The following UBTD1 variants were observed in gnomAD, a reference collection of about 807,000 sequenced individuals.
UBTD1 encodes ubiquitin domain-containing protein 1.
UBTD1 carries 19 observed loss-of-function variants against 21.7 expected under a neutral mutation model. The ratio of observed to expected loss-of-function variants is 0.87; its 90% CI spans 0.61 to 1.28. UBTD1 has a LOEUF of 1.28. UBTD1 is among the 50% of genes most tolerant of loss of function. The pLI, the probability that UBTD1 is intolerant of heterozygous loss-of-function variation, is 0.00. For synonymous variants in UBTD1, 116 were observed against 135.1 expected, an observed-to-expected ratio of 0.86 and a Z score of 0.98; for missense variants, 282 against 315.1, an observed-to-expected ratio of 0.89 and a Z score of 0.80.
At chr10:97,563,918 G>A (rs552545889) in intron 1 of UBTD1, among the ~76,000 whole-genome samples, 1 of 152,286 alleles carries the variant, frequency 6.6e-6, no homozygotes, top group South Asian at 2.1e-4. Context: ...ATGCAGGTGA[G>A]TTTAAGGGAA....
At chr10:97,536,537 A>T (rs2040562780) in intron 1 of UBTD1, among the ~76,000 whole-genome samples, 1 of 152,178 alleles carries the variant, frequency 6.6e-6, no homozygotes, top group Non-Finnish European at 1.5e-5. Context: ...ATTTATGTAG[A>T]CCTGACTTTG....
intron 1 of UBTD1, among the ~76,000 whole-genome samples, chr10:97,563,940 A>G (rs1292532702): frequency 6.6e-6 from 1 of 152,112 alleles, no homozygotes; most frequent in African/African-American, 2.4e-5. Flanking sequence ...TAGGGTGAGT[A>G]CTTGTGACTT....
In UBTD1 at chr10:97,519,079, C is replaced by T. The variant is rs11189252; in HGVS notation, c.70+19806C>T. On this transcript the variant is annotated intron_variant, in intron 1 of 2. Transcript: ENST00000370664. ...CTCTCCTAATCACTAGAGGAGGAGACGGCCATGGGCCAGGCATCTCCGGAG... is the reference window on the plus strand; with the variant it reads ...CTCTCCTAATCACTAGAGGAGGAGATGGCCATGGGCCAGGCATCTCCGGAG... Among the ~76,000 whole-genome samples, 262 of 152,318 alleles carry T rather than the reference C, an allele frequency of 1.7e-3. 6 individuals are homozygous for T. The East Asian group carries it at 0.043, about 25-fold the overall frequency.
chr10:97,525,122 T>A lies in UBTD1; in HGVS notation c.70+25849T>A, dbSNP rs191073325. Among the ~76,000 whole-genome samples the A allele has an allele frequency of 2.9e-4, 44 of 152,338 alleles. No homozygotes were observed. In the South Asian group the frequency reaches 7.4e-3, roughly 26 times the overall value. ...CACACTCTTTGGCAACTTGCACATGTGCCCCCTTCCTTGGGAAACATCTGT... is the reference window on the plus strand; with the variant it reads ...CACACTCTTTGGCAACTTGCACATGAGCCCCCTTCCTTGGGAAACATCTGT... On this transcript the variant is annotated intron_variant, in intron 1 of 2. Transcript: ENST00000370664.
At chr10:97,563,984 C>T (rs988986877) in intron 1 of UBTD1, among the ~76,000 whole-genome samples, 4 of 152,032 alleles carry the variant, frequency 2.6e-5, no homozygotes, top group Non-Finnish European at 4.4e-5. Context: ...GCTGGCTGTC[C>T]GACGGACACA....
At chr10:97,561,790 G>T (rs1361808024) in intron 1 of UBTD1, among the ~76,000 whole-genome samples, 2 of 152,136 alleles carry the variant, frequency 1.3e-5, no homozygotes, top group South Asian at 2.1e-4. Context: ...AATATGAGAG[G>T]GTCTCTCTCT....
intron 1 of UBTD1, among the ~76,000 whole-genome samples, chr10:97,526,888 T>A (rs1429758355): frequency 2.0e-5 from 3 of 149,572 alleles, no homozygotes; most frequent in African/African-American, 4.9e-5. Flanking sequence ...ATGCCTCTCT[T>A]AGGCCGAGCG....
intron 1 of UBTD1, among the ~76,000 whole-genome samples, chr10:97,549,210 T>C (rs1226731452): frequency 2.0e-5 from 3 of 152,264 alleles, no homozygotes; most frequent in Non-Finnish European, 4.4e-5. Flanking sequence ...GTTTCCTCAC[T>C]GTACACCTAC....
rs973750990 is a variant in UBTD1 at position 97,558,847 on chromosome 10, G to A, written c.71-9067G>A. On this transcript the variant is annotated intron_variant, in intron 1 of 2. Transcript: ENST00000370664. ...GATGTGAGAGTTGAAAGACCTATAA[G>A]GGGCTTCTCTCGTTTTACGATGTCT... 5.9e-5 allele frequency among the ~76,000 whole-genome samples: 9 copies of A among 152,270 alleles called. 1 individual carries two copies. The East Asian group carries it at 1.7e-3, about 29-fold the overall frequency.
Position 97,558,682 on chromosome 10 carries a change from G to A in UBTD1, c.71-9232G>A, listed in dbSNP as rs554951280. Among the ~76,000 whole-genome samples the A allele has an allele frequency of 5.9e-5, 9 of 151,978 alleles. No homozygotes were observed. In the South Asian group the frequency reaches 1.9e-3, roughly 32 times the overall value. The stretch of plus-strand genomic sequence containing the variant: ...ACTCATGAAAAGCTCTTGCTGTTGG[G>A]TGTAATAGATGTAGTTTATCTAATT... On this transcript the variant is annotated intron_variant, in intron 1 of 2. Transcript: ENST00000370664.
chr10:97,546,605 AAG>A (rs1491407623), intron 1 of UBTD1, among the ~76,000 whole-genome samples: 1 of 149,788 alleles, frequency 6.7e-6, no homozygotes, highest in African/African-American at 2.5e-5. Context: ...AAAAAAAAAA[AAG>A]CTGACAGAAG....
At chr10:97,551,354 A>T (rs905488217) in intron 1 of UBTD1, among the ~76,000 whole-genome samples, 1 of 151,064 alleles carries the variant, frequency 6.6e-6, no homozygotes, top group African/African-American at 2.4e-5. Flanking sequence ...TGGGCAACAT[A>T]GGGAGACCTC....
Position 97,508,367 on chromosome 10 carries a change from G to T in UBTD1, c.70+9094G>T, listed in dbSNP as rs541361500. Among the ~76,000 whole-genome samples the T allele has an allele frequency of 2.0e-5, 3 of 152,320 alleles. No individual in the cohort carries two copies. In the East Asian group the frequency reaches 5.8e-4, roughly 29 times the overall value. ...ATTGAGCACCTTCAGGCACCACTTTGCTGGATCCCTTCACAAACATCATCT... is the reference window on the plus strand; with the variant it reads ...ATTGAGCACCTTCAGGCACCACTTTTCTGGATCCCTTCACAAACATCATCT... On this transcript the variant is annotated intron_variant, in intron 1 of 2. Transcript: ENST00000370664.
intron 1 of UBTD1, among the ~76,000 whole-genome samples, chr10:97,503,697 A>T (rs186091722): frequency 2.6e-5 from 4 of 152,314 alleles, no homozygotes; most frequent in Admixed American, 1.3e-4. Context: ...TTTGCTCAGT[A>T]AGTATGTACT....
Position 97,549,790 on chromosome 10 carries a change from C to T in UBTD1, c.71-18124C>T, listed in dbSNP as rs1343875107. The stretch of plus-strand genomic sequence containing the variant: ...ACCAAATCCCAGAGCATGGGAGGCC[C>T]CAGCTGACCAGAGCTGGGCCAGCAC... On this transcript the variant is annotated intron_variant, in intron 1 of 2. Coordinates refer to ENST00000370664, the MANE Select transcript of UBTD1 (RefSeq NM_024954.5). Among the ~76,000 whole-genome samples, 3 of 152,252 alleles carry T rather than the reference C, an allele frequency of 2.0e-5. No individual in the cohort carries two copies. The South Asian group carries it at 6.2e-4, about 31-fold the overall frequency.
At chr10:97,505,723 T>TGAGGTGACTGCCAC (rs1342418235) in intron 1 of UBTD1, among the ~76,000 whole-genome samples, 1 of 152,184 alleles carries the variant, frequency 6.6e-6, no homozygotes, top group Non-Finnish European at 1.5e-5. Context: ...ATTTGTGCCA[T>TGAGGTGACTGCCAC]GAGGTGACTG....
At chr10:97,562,986 C>T (rs943069311) in intron 1 of UBTD1, among the ~76,000 whole-genome samples, 1 of 151,746 alleles carries the variant, frequency 6.6e-6, no homozygotes, top group African/African-American at 2.4e-5. Flanking sequence ...TTAGGGGCGG[C>T]GTGGGAACCT....
At chr10:97,537,691 G>A (rs2040569765) in intron 1 of UBTD1, among the ~76,000 whole-genome samples, 1 of 152,126 alleles carries the variant, frequency 6.6e-6, no homozygotes, top group African/African-American at 2.4e-5. Context: ...TATTTCCAGA[G>A]TCCTTGTCAC....
chr10:97,529,570 C>T (rs921453760), intron 1 of UBTD1, among the ~76,000 whole-genome samples: 3 of 149,654 alleles, frequency 2.0e-5, no homozygotes, highest in Non-Finnish European at 3.0e-5. Context: ...GAGACCAGCC[C>T]GGCCATCACA....
Sources: gnomAD v4.1 joint callset for allele counts (sites outside exome capture counted in the v4.1 genomes callset) on GRCh38, gnomAD v4.1.1 for gene constraint, MANE v1.5 for transcripts, NCBI Gene and HGNC (gene_info 2026-07-23, HGNC 2026-07-21) for gene names.